PROK1: variants seen among roughly 807,000 people sequenced by gnomAD.
PROK1 encodes prokineticin 1, also known as prokineticin-1.
A neutral mutation model predicts 8.8 loss-of-function variants in PROK1; 10 were observed. The observed-to-expected ratio is 1.13, with a 90% CI of 0.70 to 1.92. The LOEUF is 1.92. Ranked by LOEUF, PROK1 falls within the 30% of genes most tolerant of loss-of-function variation. The pLI is 0.00. For missense variants in PROK1, 140 were observed against 139.7 expected (o/e 1.00, Z -0.01); for synonymous variants, 57 against 56.0 (o/e 1.02, Z -0.08).
At chr1:110,453,779 C>G (rs1664126495) in intron 1 of PROK1, among the ~76,000 whole-genome samples, 182 bp from the exon 2 acceptor site, 2 of 152,224 alleles carry the variant, frequency 1.3e-5, no homozygotes, top group African/African-American at 4.8e-5. Context: ...AGCCCTGAGC[C>G]TCCCCACGAG....
chr1:110,454,433 A>G (rs1383453404), intron 2 of PROK1, among the ~76,000 whole-genome samples: 1 of 152,222 alleles, frequency 6.6e-6, no homozygotes, highest in Non-Finnish European at 1.5e-5. Flanking sequence ...AGGTTGGAGA[A>G]CCACTGATCT....
At chr1:110,456,030 G>A (rs1215856634) in intron 2 of PROK1, among the ~76,000 whole-genome samples, 2 of 152,230 alleles carry the variant, frequency 1.3e-5, no homozygotes, top group Admixed American at 1.3e-4. Flanking sequence ...CAAATTAGCT[G>A]TGTGATCTTG....
chr1:110,453,867 C>T (rs1664127983), intron 1 of PROK1, 94 bp from the exon 2 acceptor site: 2 of 1,543,568 alleles, frequency 1.3e-6, no homozygotes, highest in African/African-American at 2.7e-5. Context: ...CCTCTTCTTG[C>T]TCCATCCTGA....
rs1664175773 is a variant in PROK1 at position 110,456,480 on chromosome 1, T to C, written c.*129T>C. On this transcript the variant is annotated 3_prime_UTR_variant, in exon 3 of 3. Transcript: ENST00000271331. ...ACTGACTACCCTGATCTCTCTTGTC[T>C]AGTACGCACATATGCACACAGGCAG... The C allele has an allele frequency of 1.7e-6, 2 of 1,184,286 alleles. No individual in the cohort carries two copies. The highest frequency in any genetic ancestry group is 3.7e-5 in the Admixed American group (2 of 54,526). 73.4% of individuals were successfully genotyped at this position (1,184,286 alleles called of 1,614,324 possible). A position where few individuals can be genotyped will look rare whatever the true frequency, so the allele number is the denominator to read the frequency against.
chr1:110,455,447 A>T (rs1461429680), intron 2 of PROK1, among the ~76,000 whole-genome samples: 1 of 152,236 alleles, frequency 6.6e-6, no homozygotes, highest in Non-Finnish European at 1.5e-5. Context: ...AAGAGGGGCT[A>T]GGGAGTGGTG....
At chr1:110,452,774 C>G (rs1016602637) in intron 1 of PROK1, among the ~76,000 whole-genome samples, 1 of 148,004 alleles carries the variant, frequency 6.8e-6, no homozygotes, top group Non-Finnish European at 1.5e-5. Flanking sequence ...GCTCCACCAC[C>G]TCTACACTCC....
In PROK1 at chr1:110,453,962, C is replaced by T. The variant is rs202098995; in HGVS notation, c.74C>T (p.Ala25Val). The T allele has an allele frequency of 6.2e-7, 1 of 1,614,116 alleles. No homozygotes were observed. The highest frequency in any genetic ancestry group is 8.5e-7 in the Non-Finnish European group (1 of 1,180,044). ...TVSDCAVITG[A>V]CERDVQCGAG... The stretch of plus-strand genomic sequence containing the variant: ...TTCCCTTCTCTCTCCCTCCTACAGG[C>T]CTGTGAGCGGGATGTCCAGTGTGGG... Residue 25 changes from alanine to valine, a missense_variant and splice_region_variant, in exon 2 of 3, where the codon GCC becomes GTC. Physicochemically the swap from Ala to Val is moderately conservative, Grantham distance 64. Coordinates refer to ENST00000271331, the MANE Select transcript of PROK1 (RefSeq NM_032414.3).
chr1:110,451,395 T>C, intron 1 of PROK1, 107 bp downstream of exon 1: 1 of 944,450 alleles, frequency 1.1e-6, no homozygotes, highest in Admixed American at 1.9e-5. Context: ...CTCAACACAG[T>C]GTGAACCAAA....
intron 1 of PROK1, among the ~76,000 whole-genome samples, chr1:110,453,403 C>A (rs758871863): frequency 6.6e-6 from 1 of 152,130 alleles, no homozygotes. Context: ...AGTAGAGAAA[C>A]CCTGGGAGAG....
At chr1:110,455,073 C>G (rs1053551989) in intron 2 of PROK1, among the ~76,000 whole-genome samples, 1 of 152,226 alleles carries the variant, frequency 6.6e-6, no homozygotes, top group African/African-American at 2.4e-5. Flanking sequence ...CCACACTTTA[C>G]CAGTTAACCA....
At chr1:110,454,232 A>AGGGTGAAGT in intron 2 of PROK1, 146 bp downstream of exon 2, 1 of 1,055,350 alleles carries the variant, frequency 9.5e-7, no homozygotes, top group Non-Finnish European at 1.3e-6. Context: ...GCTCCAGAGG[A>AGGGTGAAGT]CTTCACCCTC....
chr1:110,455,831 A>G (rs1408125186), intron 2 of PROK1, among the ~76,000 whole-genome samples: 2 of 152,198 alleles, frequency 1.3e-5, no homozygotes, highest in Non-Finnish European at 2.9e-5. Context: ...GGTGTGAGTC[A>G]GGGCAGAGAT....
At chr1:110,454,761 A>C (rs1470418293) in intron 2 of PROK1, among the ~76,000 whole-genome samples, 1 of 152,180 alleles carries the variant, frequency 6.6e-6, no homozygotes, top group Non-Finnish European at 1.5e-5. Context: ...GAGTGGAGCA[A>C]ACTCACTACC....
chr1:110,456,712 G>A lies in PROK1; in HGVS notation c.*361G>A, dbSNP rs116271905. 4.2e-3 allele frequency: 1,536 copies of A among 364,376 alleles called. 18 individuals are homozygous for A. The highest frequency in any genetic ancestry group is 0.029 in the African/African-American group (1,376 of 47,392). The allele number at this position is 364,376 out of a possible 1,614,324, so 22.6% of individuals were successfully genotyped here. Reference sequence around the variant, plus strand: ...GCCCCTCTCCCCACATGTATCCCTCGGTCTGAATTAGACATTCCTGGGCAC... The same window carrying A: ...GCCCCTCTCCCCACATGTATCCCTCAGTCTGAATTAGACATTCCTGGGCAC... On this transcript the variant is annotated 3_prime_UTR_variant, in exon 3 of 3. Coordinates refer to ENST00000271331, the MANE Select transcript of PROK1 (RefSeq NM_032414.3).
intron 1 of PROK1, among the ~76,000 whole-genome samples, chr1:110,452,358 T>C (rs184862402): frequency 1.3e-5 from 2 of 152,292 alleles, no homozygotes; most frequent in African/African-American, 2.4e-5. Flanking sequence ...ATAAAAATAA[T>C]TGTGAAGGCA....
At chr1:110,452,520 A>G (rs1664102497) in intron 1 of PROK1, among the ~76,000 whole-genome samples, 1 of 152,236 alleles carries the variant, frequency 6.6e-6, no homozygotes, top group East Asian at 1.9e-4. Context: ...GGCTTGCCTC[A>G]CCACCCGTGC....
In PROK1 at chr1:110,451,265, TCTGA is replaced by T. The variant is rs774546256; in HGVS notation, c.53_56del (p.Asp18ValfsTer3). 24 of 1,614,066 alleles carry T rather than the reference TCTGA, an allele frequency of 1.5e-5. No homozygotes were observed. Among genetic ancestry groups the T allele is most frequent in the Non-Finnish European group, 1.8e-5 (21 of 1,180,030 alleles). ...AATCATGCTCCTCCTAGTAACTGTG[TCTGA>T]CTGTGCTGTGATCACAGGGGTAAGT... On this transcript the variant is annotated frameshift_variant, in exon 1 of 3. Transcript: ENST00000271331. LOFTEE classifies it high-confidence loss of function.
rs1664137383 is a variant in PROK1 at position 110,454,317 on chromosome 1, C to T, written c.198+231C>T. ...AGCAGAAGGCTATGGGGTTGCTGTG[C>T]CCCTGCCATCAACAGGCATCCACCT... is the stretch of plus-strand genomic sequence containing the variant. On this transcript the variant is annotated intron_variant, in intron 2 of 2. Coordinates refer to ENST00000271331, the MANE Select transcript of PROK1 (RefSeq NM_032414.3). Among the ~76,000 whole-genome samples, 3 of 152,196 alleles carry T rather than the reference C, an allele frequency of 2.0e-5. No individual in the cohort carries two copies. The South Asian group carries it at 6.2e-4, about 31-fold the overall frequency.
At chr1:110,453,253 G>A (rs911068596) in intron 1 of PROK1, among the ~76,000 whole-genome samples, 1 of 152,202 alleles carries the variant, frequency 6.6e-6, no homozygotes, top group Non-Finnish European at 1.5e-5. Context: ...GTCTTCCCCG[G>A]CTCTGGCTTT....
Sources: allele counts gnomAD v4.1 joint callset (sites outside exome capture counted in the v4.1 genomes callset), GRCh38; gene constraint gnomAD v4.1.1; transcripts MANE v1.5; gene names NCBI Gene and HGNC (gene_info 2026-07-23, HGNC 2026-07-21).